TDP2: variants seen among roughly 807,000 people sequenced by gnomAD.
TDP2 encodes tyrosyl-DNA phosphodiesterase 2, also known as 5'-Tyr-DNA phosphodiesterase.
Under a neutral mutation model 42.8 loss-of-function variants are expected in TDP2, and 38 were observed. The observed-to-expected ratio is 0.89, with a 90% CI of 0.68 to 1.16. The LOEUF is 1.16. Among genes scored for constraint, TDP2 ranks in the 50% most tolerant of loss-of-function variants. The pLI is 0.00. For missense variants in TDP2, 439 were observed against 439.3 expected, an observed-to-expected ratio of 1.00 and a Z score of 0.01; for synonymous variants, 173 against 150.6, an observed-to-expected ratio of 1.15 and a Z score of -1.09.
intron 2 of TDP2, among the ~76,000 whole-genome samples, chr6:24,665,214 A>G (rs900028670): frequency 6.6e-6 from 1 of 152,202 alleles, no homozygotes; most frequent in South Asian, 2.1e-4. Flanking sequence ...ACAAAAAAAG[A>G]TATGTATGAA....
chr6:24,657,868 A>G lies in TDP2; in HGVS notation c.461T>C (p.Ile154Thr), dbSNP rs2127617882. Reference protein sequence around the residue: ...SPDVIFLQEVIPPYYSYLKKR... With the variant: ...SPDVIFLQEVTPPYYSYLKKR... ...CTTTAGGTAGCTATAATATGGGGGA[A>G]TAACTTCCTGTAGAAATATCACATC... The change falls in exon 4 of 7, where the codon ATT (isoleucine) becomes ACT (threonine). Residue 154 changes from isoleucine to threonine, a missense_variant. Coordinates refer to ENST00000378198, the MANE Select transcript of TDP2 (RefSeq NM_016614.3). 6.3e-7 allele frequency: 1 copy of G among 1,585,500 alleles called. No individual in the cohort carries two copies. Among genetic ancestry groups the G allele is most frequent in the Non-Finnish European group, 8.6e-7 (1 of 1,164,712 alleles).
intron 3 of TDP2, 75 bp downstream of exon 3, chr6:24,658,486 A>C: frequency 8.2e-7 from 1 of 1,214,784 alleles, no homozygotes. Flanking sequence ...TTTAATTCTA[A>C]AGCCCACAAC....
rs1178017250 is a variant in TDP2 at position 24,653,075 on chromosome 6, T to G, written c.715A>C (p.Asn239His). The G allele has an allele frequency of 3.7e-6, 6 of 1,614,172 alleles. No individual in the cohort carries two copies. The highest frequency in any genetic ancestry group is 4.2e-6 in the Non-Finnish European group (5 of 1,180,026). Reference sequence around the variant, plus strand: ...TTCTTTAAAACCATTTTTAACTGATTCATTCGTTCCGCAGCATGCCCTCTG... The same window carrying G: ...TTCTTTAAAACCATTTTTAACTGATGCATTCGTTCCGCAGCATGCCCTCTG... ...STRGHAAERM[N>H]QLKMVLKKMQ... The change falls in exon 6 of 7, where the codon AAT (asparagine) becomes CAT (histidine). Residue 239 changes from asparagine to histidine, a missense_variant. Physicochemically the swap from Asn to His is moderately conservative, Grantham distance 68. Coordinates refer to ENST00000378198, the MANE Select transcript of TDP2 (RefSeq NM_016614.3).
chr6:24,651,957 C>T (rs764880383), intron 6 of TDP2, among the ~76,000 whole-genome samples: 1 of 150,576 alleles, frequency 6.6e-6, no homozygotes, highest in Non-Finnish European at 1.5e-5. Context: ...ACCATGACTA[C>T]CATCCATCTC....
At chr6:24,657,254 C>A (rs3212233) in intron 4 of TDP2, among the ~76,000 whole-genome samples, 1 of 152,030 alleles carries the variant, frequency 6.6e-6, no homozygotes, top group African/African-American at 2.4e-5. Context: ...CTGCAGAGCA[C>A]ACTGAGGAAA....
chr6:24,657,996 A>G (rs1387955760), intron 3 of TDP2, 93 bp from the exon 4 acceptor site: 2 of 820,484 alleles, frequency 2.4e-6, no homozygotes, highest in African/African-American at 1.8e-5. Flanking sequence ...TACCAAAAAC[A>G]AAAAACCCTC....
rs2127617974 is a variant in TDP2 at position 24,658,505 on chromosome 6, G to A, written c.425+56C>T. ...ATTCTAAAGCCCACAACCTTGAACT[G>A]TTACTTTGTATATACATAAGACACA... On this transcript the variant is annotated intron_variant, in intron 3 of 6. Coordinates refer to ENST00000378198, the MANE Select transcript of TDP2 (RefSeq NM_016614.3). The A allele has an allele frequency of 2.8e-6, 4 of 1,408,698 alleles. No individual in the cohort carries two copies. The Middle Eastern group carries it at 5.5e-4, about 193-fold the overall frequency. The allele number at this position is 1,408,698 out of a possible 1,614,324, so 87.3% of individuals were successfully genotyped here. A position where few individuals can be genotyped will look rare whatever the true frequency, so the allele number is the denominator to read the frequency against.
At position 24,658,568 on chromosome 6, in the gene TDP2, A is replaced by G. The variant is rs376868973; in HGVS notation, c.418T>C (p.Leu140=). 1 of 1,610,032 alleles carries G rather than the reference A, an allele frequency of 6.2e-7. No individual in the cohort carries two copies. The highest frequency in any genetic ancestry group is 8.5e-7 in the Non-Finnish European group (1 of 1,178,210). ...AGAAGTGATAATACTTACAAAGCTA[A>G]GTAGGAACACACCCCTCGAGCCCTC... ...SERARGVCSY[L]ALYSPDVIFL... is the part of the protein sequence containing the mutation. Residue 140 remains leucine (L), a synonymous_variant, in exon 3 of 7, where the codon TTA becomes CTA. Coordinates refer to ENST00000378198, the MANE Select transcript of TDP2 (RefSeq NM_016614.3).
intron 4 of TDP2, among the ~76,000 whole-genome samples, chr6:24,656,371 G>A (rs1414912794): frequency 6.6e-6 from 1 of 151,558 alleles, no homozygotes; most frequent in Non-Finnish European, 1.5e-5. Context: ...AAATGGGAGA[G>A]TAAAAAAACT....
chr6:24,657,989 C>G, intron 3 of TDP2, 86 bp from the exon 4 acceptor site: 1 of 895,906 alleles, frequency 1.1e-6, no homozygotes, highest in Non-Finnish European at 1.7e-6. Context: ...CACAACATAC[C>G]AAAAACAAAA....
Position 24,653,096 on chromosome 6 carries a change from C to T in TDP2, c.694G>A (p.Gly232Arg), listed in dbSNP as rs758885890. ...LMTSHLESTRGHAAERMNQLK... is the reference protein window; with the variant it reads ...LMTSHLESTRRHAAERMNQLK... ...TGATTCATTCGTTCCGCAGCATGCC[C>T]TCTGGTGCTCTCCAAATGGGATGTC... The change falls in exon 6 of 7, where the codon GGG becomes AGG. Residue 232 changes from glycine (G) to arginine (R), a missense_variant. Gly to Arg is a moderately radical substitution (Grantham distance 125, BLOSUM62 -2). Coordinates refer to ENST00000378198, the MANE Select transcript of TDP2 (RefSeq NM_016614.3). The T allele has an allele frequency of 3.1e-6, 5 of 1,614,122 alleles. No homozygotes were observed. Among genetic ancestry groups the T allele is most frequent in the Non-Finnish European group, 3.4e-6 (4 of 1,180,018 alleles).
At chr6:24,664,330 T>TAAA (rs1554188691) in intron 2 of TDP2, among the ~76,000 whole-genome samples, 7 of 78,918 alleles carry the variant, frequency 8.9e-5, no homozygotes, top group African/African-American at 2.7e-4. Flanking sequence ...GCACAGCTAA[T>TAAA]AAAAAAAAAA....
chr6:24,663,271 A>C (rs1161128102), intron 2 of TDP2, among the ~76,000 whole-genome samples: 2 of 152,212 alleles, frequency 1.3e-5, no homozygotes, highest in African/African-American at 4.8e-5. Flanking sequence ...AGGCAGAGAG[A>C]GGTTACACAG....
At chr6:24,660,185 C>G (rs1457283283) in intron 2 of TDP2, among the ~76,000 whole-genome samples, 1 of 152,176 alleles carries the variant, frequency 6.6e-6, no homozygotes, top group East Asian at 1.9e-4. Context: ...TTGCTTTATT[C>G]TTTTTATTCT....
intron 5 of TDP2, 90 bp from the exon 6 acceptor site, chr6:24,653,243 G>T: frequency 1.5e-6 from 2 of 1,323,200 alleles, no homozygotes; most frequent in Non-Finnish European, 2.1e-6. Context: ...CTGTCAAATG[G>T]TATATATTTA....
intron 2 of TDP2, among the ~76,000 whole-genome samples, chr6:24,662,807 G>A (rs546458152): frequency 9.9e-5 from 15 of 152,200 alleles, no homozygotes; most frequent in Non-Finnish European, 1.9e-4. Context: ...CCACCAGAGA[G>A]AAAAAGCCAA....
intron 2 of TDP2, among the ~76,000 whole-genome samples, chr6:24,662,065 T>A (rs901922498): frequency 2.0e-5 from 3 of 152,162 alleles, no homozygotes; most frequent in Non-Finnish European, 4.4e-5. Flanking sequence ...GTAAAAGTCA[T>A]CGCCATTCTC....
rs137917584 is a variant in TDP2, at chr6:24,666,235, A to T, written c.251+291T>A. On this transcript the variant is annotated intron_variant, in intron 2 of 6. Transcript: ENST00000378198. The stretch of plus-strand genomic sequence containing the variant: ...TTTAGCCTTCGTTCATTTGTTTCAA[A>T]CCTCTCGCTTACTTATTTCCTTTCA... 4.9e-5 allele frequency: 76 copies of T among 1,545,740 alleles called. No individual in the cohort carries two copies. In the African/African-American group the frequency reaches 7.6e-4, roughly 15 times the overall value.
chr6:24,650,496 G>A lies in TDP2; in HGVS notation c.*292C>T. The stretch of plus-strand genomic sequence containing the variant: ...GGAAAAATATAAACATTAGCTCAGA[G>A]ACAATGTGGTACCTGTTTGGAATCC... On this transcript the variant is annotated 3_prime_UTR_variant, in exon 7 of 7. Transcript: ENST00000378198. 2.8e-6 allele frequency: 1 copy of A among 351,108 alleles called. No homozygotes were observed. Among genetic ancestry groups the A allele is most frequent in the South Asian group, 4.5e-5 (1 of 22,178 alleles). 21.7% of individuals were successfully genotyped at this position (351,108 alleles called of 1,614,324 possible). A position where few individuals can be genotyped will look rare whatever the true frequency, so the allele number is the denominator to read the frequency against.
Sources: allele counts gnomAD v4.1 joint callset (sites outside exome capture counted in the v4.1 genomes callset), GRCh38; gene constraint gnomAD v4.1.1; transcripts MANE v1.5; gene names NCBI Gene and HGNC (gene_info 2026-07-23, HGNC 2026-07-21).